Variants in DPP10 observed in about 807,000 individuals in gnomAD.
DPP10 encodes the protein inactive dipeptidyl peptidase 10.
Under a neutral mutation model 120.9 loss-of-function variants are expected in DPP10, and 33 were observed. The observed-to-expected ratio is 0.27, with a 90% CI of 0.21 to 0.37. The LOEUF (loss-of-function observed/expected upper bound fraction) is 0.37, where lower values mean the gene tolerates loss of function less well. Ranked by LOEUF, DPP10 falls within the 10% of genes least tolerant of loss-of-function variation. The pLI is 1.00. For missense variants in DPP10, 816 were observed against 942.8 expected, an observed-to-expected ratio of 0.87 and a Z score of 1.76; for synonymous variants, 337 against 326.1, an observed-to-expected ratio of 1.03 and a Z score of -0.36.
chr2:115,102,973 T>C (rs187614418), intron 1 of DPP10, among the ~76,000 whole-genome samples: 97 of 152,244 alleles, frequency 6.4e-4, no homozygotes, highest in Admixed American at 2.4e-3. Flanking sequence ...TACCTTTAAA[T>C]TGTAGAATCT....
chr2:115,135,895 A>C (rs1369754333), intron 1 of DPP10, among the ~76,000 whole-genome samples: 1 of 152,208 alleles, frequency 6.6e-6, no homozygotes, highest in Non-Finnish European at 1.5e-5. Flanking sequence ...ATGTGCAGGA[A>C]GGTCATAAGC....
At chr2:115,046,116 AC>A (rs958861915) in intron 1 of DPP10, among the ~76,000 whole-genome samples, 1 of 152,182 alleles carries the variant, frequency 6.6e-6, no homozygotes, top group Non-Finnish European at 1.5e-5. Flanking sequence ...ATGATAATCA[AC>A]ATTTTGGTGA....
chr2:115,702,070 TTACTAG>T, intron 7 of DPP10, among the ~76,000 whole-genome samples: 1 of 152,130 alleles, frequency 6.6e-6, no homozygotes, highest in East Asian at 1.9e-4. Flanking sequence ...AGAATACCAT[TTACTAG>T]TACACAATAG....
intron 5 of DPP10, among the ~76,000 whole-genome samples, chr2:115,597,843 C>G (rs1005365297): frequency 6.6e-6 from 1 of 151,956 alleles, no homozygotes; most frequent in African/African-American, 2.4e-5. Context: ...ATCAGACCAA[C>G]TCTTCTGTCA....
At chr2:114,810,517 A>T (rs922212249) in intron 1 of DPP10, among the ~76,000 whole-genome samples, 1 of 152,218 alleles carries the variant, frequency 6.6e-6, no homozygotes, top group Non-Finnish European at 1.5e-5. Context: ...TCATCATACA[A>T]TAAGATATTT....
chr2:114,592,455 G>A (rs1474823345), intron 1 of DPP10, among the ~76,000 whole-genome samples: 2 of 152,124 alleles, frequency 1.3e-5, no homozygotes, highest in Admixed American at 6.6e-5. Context: ...AAAAAAACCA[G>A]CATTGAGATT....
At chr2:115,512,323 C>G (rs577121547) in intron 4 of DPP10, among the ~76,000 whole-genome samples, 1 of 152,084 alleles carries the variant, frequency 6.6e-6, no homozygotes, top group South Asian at 2.1e-4. Context: ...TGGTTGTGAA[C>G]AACTTACCCC....
intron 2 of DPP10, among the ~76,000 whole-genome samples, chr2:115,333,113 T>A (rs2062862109): frequency 6.6e-6 from 1 of 152,152 alleles, no homozygotes. Context: ...GCTCGTGTAT[T>A]GGGTGCATAT....
intron 1 of DPP10, among the ~76,000 whole-genome samples, chr2:114,537,084 T>C (rs6542214): frequency 0.45 from 67,929 of 152,010 alleles, 15,558 homozygotes; most frequent in East Asian, 0.68. Context: ...GGGGCTCTAC[T>C]CTGGATCTTC....
chr2:115,134,288 T>C (rs1422384501), intron 1 of DPP10, among the ~76,000 whole-genome samples: 1 of 152,220 alleles, frequency 6.6e-6, no homozygotes, highest in Non-Finnish European at 1.5e-5. Flanking sequence ...GTTTCATCTA[T>C]ATGTTACATG....
chr2:114,446,825 G>C (rs757409559), intron 1 of DPP10, among the ~76,000 whole-genome samples: 1 of 152,088 alleles, frequency 6.6e-6, no homozygotes, highest in Admixed American at 6.6e-5. Flanking sequence ...CATAGCCTCA[G>C]CCAAATGAGG....
chr2:115,356,596 T>C (rs2064407491), intron 3 of DPP10, among the ~76,000 whole-genome samples: 1 of 152,114 alleles, frequency 6.6e-6, no homozygotes, highest in South Asian at 2.1e-4. Flanking sequence ...CTATCTTGAA[T>C]AGGGGTAGTG....
chr2:115,592,004 A>G (rs1190308266), intron 5 of DPP10, among the ~76,000 whole-genome samples: 1 of 152,076 alleles, frequency 6.6e-6, no homozygotes, highest in Non-Finnish European at 1.5e-5. Context: ...AGGCAAGGTG[A>G]GCGCCCTGAA....
intron 1 of DPP10, among the ~76,000 whole-genome samples, chr2:114,752,324 A>T (rs1394336053): frequency 6.6e-6 from 1 of 152,222 alleles, no homozygotes; most frequent in African/African-American, 2.4e-5. Flanking sequence ...TAGAAAAAGA[A>T]ATCCTGCCAA....
chr2:115,030,221 C>T (rs1230129018), intron 1 of DPP10, among the ~76,000 whole-genome samples: 1 of 151,496 alleles, frequency 6.6e-6, no homozygotes, highest in African/African-American at 2.4e-5. Flanking sequence ...GGCTGATATT[C>T]AATGTCTTAA....
chr2:114,914,368 G>T (rs1482539995), intron 1 of DPP10, among the ~76,000 whole-genome samples: 1 of 152,194 alleles, frequency 6.6e-6, no homozygotes, highest in Non-Finnish European at 1.5e-5. Context: ...TATTTTAGCA[G>T]AAACTTTAGA....
chr2:115,153,281 C>T (rs559325752), intron 1 of DPP10, among the ~76,000 whole-genome samples: 1 of 152,256 alleles, frequency 6.6e-6, no homozygotes, highest in East Asian at 1.9e-4. Flanking sequence ...ATATGAGGGA[C>T]CAATTTCCTG....
intron 21 of DPP10, among the ~76,000 whole-genome samples, chr2:115,822,098 T>C (rs1400994041): frequency 5.3e-5 from 8 of 152,000 alleles, no homozygotes; most frequent in Non-Finnish European, 4.4e-5. Context: ...TTTATTTTCG[T>C]TTGTAGTTTA....
chr2:114,924,832 C>T (rs1314906466), intron 1 of DPP10, among the ~76,000 whole-genome samples: 7 of 152,146 alleles, frequency 4.6e-5, no homozygotes, highest in South Asian at 4.1e-4. Flanking sequence ...AAACTCACAG[C>T]ATTTACAGGA....
Sources: allele counts gnomAD v4.1 joint callset (sites outside exome capture counted in the v4.1 genomes callset), GRCh38; gene constraint gnomAD v4.1.1; transcripts MANE v1.5; gene names NCBI Gene and HGNC (gene_info 2026-07-23, HGNC 2026-07-21).